KDM4C: variants seen among roughly 807,000 people sequenced by gnomAD.
KDM4C encodes the protein lysine-specific demethylase 4C.
A neutral mutation model predicts 129.3 loss-of-function variants in KDM4C; 81 were observed. The observed-to-expected ratio is 0.63, with a 90% CI of 0.52 to 0.75. The LOEUF (loss-of-function observed/expected upper bound fraction) is 0.75. KDM4C is among the 30% of genes least tolerant of loss of function. The pLI, the probability that KDM4C is intolerant of heterozygous loss-of-function variation, is 0.00. For synonymous variants in KDM4C, 573 were observed against 456.1 expected (o/e 1.26, Z -3.26); for missense variants, 1,457 against 1,304.0 (o/e 1.12, Z -1.81).
chr9:7,088,251 G>T (rs139422568), intron 17 of KDM4C, among the ~76,000 whole-genome samples: 2 of 152,184 alleles, frequency 1.3e-5, no homozygotes, highest in Non-Finnish European at 2.9e-5. Flanking sequence ...AAAAGTACTC[G>T]TTGATATGAA....
rs1264209807 is a variant in KDM4C, at chr9:6,981,134, C to A, written c.1115+16C>A. On this transcript the variant is annotated intron_variant, in intron 9 of 21. Coordinates refer to ENST00000381309, the MANE Select transcript of KDM4C (RefSeq NM_015061.6). Reference sequence around the variant, plus strand: ...CATCCCGAAGGTAATGACCCCTCACCCCACTGACCTGCCTTGCCTGTCGTG... The same window carrying A: ...CATCCCGAAGGTAATGACCCCTCACACCACTGACCTGCCTTGCCTGTCGTG... The A allele has an allele frequency of 1.9e-6, 3 of 1,589,766 alleles. No homozygotes were observed. The highest frequency in any genetic ancestry group is 2.6e-6 in the Non-Finnish European group (3 of 1,169,508).
At position 6,856,747 on chromosome 9, in the gene KDM4C, A is replaced by ATTTTTTTT. The variant is rs781673639; in HGVS notation, c.629+7061_629+7068dup. On this transcript the variant is annotated intron_variant, in intron 5 of 21. Transcript: ENST00000381309. ...GCCACTATGCCAGGCTAATTTTTGT[A>ATTTTTTTT]TTTTTTTTTTTTTTTTTTTTTGAGA... 7.7e-5 allele frequency among the ~76,000 whole-genome samples: 8 copies of ATTTTTTTT among 104,270 alleles called. 1 individual carries two copies. Among genetic ancestry groups the ATTTTTTTT allele is most frequent in the Non-Finnish European group, 1.5e-4 (8 of 52,208 alleles). 68.4% of individuals were successfully genotyped at this position (104,270 alleles called of 152,430 possible). A position where few individuals can be genotyped will look rare whatever the true frequency, so the allele number is the denominator to read the frequency against.
In KDM4C at chr9:7,077,257, G is replaced by A. The variant is rs934278955; in HGVS notation, c.2425-26428G>A. On this transcript the variant is annotated intron_variant, in intron 17 of 21. Transcript: ENST00000381309. ...ATATGGTGAATTAAAGATGCCATTT[G>A]CATGGATCTTGGATTAGTGCTTGTA... 1.4e-5 allele frequency: 14 copies of A among 982,304 alleles called. No homozygotes were observed. In the African/African-American group the frequency reaches 2.5e-4, roughly 17 times the overall value. The allele number at this position is 982,304 out of a possible 1,614,324, so 60.8% of individuals were successfully genotyped here.
intron 6 of KDM4C, among the ~76,000 whole-genome samples, chr9:6,881,027 T>C (rs894052151): frequency 9.9e-5 from 15 of 152,204 alleles, no homozygotes; most frequent in African/African-American, 3.4e-4. Context: ...TGAGCAGTGC[T>C]CTTTTAGTCC....
intron 17 of KDM4C, among the ~76,000 whole-genome samples, chr9:7,078,013 A>T (rs1160817233): frequency 1.3e-5 from 2 of 152,322 alleles, no homozygotes; most frequent in Middle Eastern, 3.4e-3. Flanking sequence ...TGTTTAATTA[A>T]TGTTTCTAAT....
At chr9:6,743,522 T>G (rs1056090387) in intron 1 of KDM4C, among the ~76,000 whole-genome samples, 1 of 151,972 alleles carries the variant, frequency 6.6e-6, no homozygotes, top group Non-Finnish European at 1.5e-5. Context: ...TTTTTTTTTT[T>G]TTTGAGAGGG....
intron 1 of KDM4C, among the ~76,000 whole-genome samples, chr9:6,739,841 G>T (rs1284129403): frequency 1.3e-5 from 2 of 151,988 alleles, no homozygotes; most frequent in Non-Finnish European, 2.9e-5. Context: ...AAATAAAAAT[G>T]AATAAATAGC....
chr9:6,929,241 G>T, intron 8 of KDM4C, among the ~76,000 whole-genome samples: 1 of 152,128 alleles, frequency 6.6e-6, no homozygotes. Flanking sequence ...GGTCATTGAA[G>T]ACACATGTTT....
chr9:6,989,188 T>C (rs998190539), intron 11 of KDM4C, among the ~76,000 whole-genome samples: 4 of 152,254 alleles, frequency 2.6e-5, no homozygotes, highest in African/African-American at 7.2e-5. Flanking sequence ...TCTTTTCTTA[T>C]TCCTAGCTTT....
chr9:6,948,097 C>A (rs992432478), intron 8 of KDM4C: 3 of 152,056 alleles, frequency 2.0e-5, no homozygotes, highest in African/African-American at 7.2e-5. Flanking sequence ...TATATTGAAT[C>A]CCAATTTTTA....
chr9:7,161,595 T>C (rs1843800411), intron 19 of KDM4C, among the ~76,000 whole-genome samples: 1 of 152,198 alleles, frequency 6.6e-6, no homozygotes. Flanking sequence ...CCTGAAGACC[T>C]GCACCCCACA....
chr9:6,969,541 T>C (rs951035670), intron 8 of KDM4C, among the ~76,000 whole-genome samples: 1 of 152,236 alleles, frequency 6.6e-6, no homozygotes, highest in Non-Finnish European at 1.5e-5. Context: ...GTTCCATTAC[T>C]GATTGTCTTA....
chr9:6,722,171 C>A (rs957221442), intron 1 of KDM4C, among the ~76,000 whole-genome samples: 5 of 152,130 alleles, frequency 3.3e-5, no homozygotes, highest in Non-Finnish European at 5.9e-5. Flanking sequence ...GGTCACGAAG[C>A]CTTTTTGGAA....
At chr9:6,805,571 A>G (rs1182832189) in intron 2 of KDM4C, 28 bp from the exon 3 acceptor site, 3 of 1,534,906 alleles carry the variant, frequency 2.0e-6, no homozygotes, top group Admixed American at 1.9e-5. Context: ...TTTCAAGATG[A>G]TATTTTATTT....
At chr9:7,010,490 C>T (rs117428566) in intron 12 of KDM4C, among the ~76,000 whole-genome samples, 1,999 of 152,292 alleles carry the variant, frequency 0.013, 22 homozygotes, top group East Asian at 0.028. Flanking sequence ...AGGGCTGGAA[C>T]ACACTTACTC....
At chr9:7,003,295 C>G (rs1821068821) in intron 12 of KDM4C, among the ~76,000 whole-genome samples, 1 of 151,980 alleles carries the variant, frequency 6.6e-6, no homozygotes, top group Non-Finnish European at 1.5e-5. Context: ...TCCCAGCATT[C>G]CTTGTTTTTG....
intron 15 of KDM4C, among the ~76,000 whole-genome samples, chr9:7,024,317 GTGT>G (rs1825413362): frequency 6.8e-6 from 1 of 146,096 alleles, no homozygotes; most frequent in South Asian, 2.2e-4. Flanking sequence ...TCTTTTCAAG[GTGT>G]TTTTTTTTTG....
At chr9:6,849,394 A>C (rs762704596) in intron 4 of KDM4C, 113 bp from the exon 5 acceptor site, 1 of 788,028 alleles carries the variant, frequency 1.3e-6, no homozygotes, top group Non-Finnish European at 1.9e-6. Context: ...GTTTTCAGTT[A>C]GTTAGAATAT....
chr9:6,778,223 A>G (rs1466994025), intron 1 of KDM4C, among the ~76,000 whole-genome samples: 2 of 150,914 alleles, frequency 1.3e-5, no homozygotes, highest in Non-Finnish European at 2.9e-5. Context: ...CTGAGTAGCT[A>G]GGATTACAGG....
Sources: allele counts gnomAD v4.1 joint callset (sites outside exome capture counted in the v4.1 genomes callset), GRCh38; gene constraint gnomAD v4.1.1; transcripts MANE v1.5; gene names NCBI Gene and HGNC (gene_info 2026-07-23, HGNC 2026-07-21).